Variants in ERBB4 observed in about 807,000 individuals in gnomAD.
ERBB4 encodes the protein receptor tyrosine-protein kinase erbB-4.
ERBB4 carries 42 observed loss-of-function variants against 158.0 expected under a neutral mutation model. The ratio of observed to expected loss-of-function variants is 0.27; its 90% CI spans 0.21 to 0.34. ERBB4 has a LOEUF of 0.34. ERBB4 is among the 10% of genes least tolerant of loss of function. The pLI, the probability that ERBB4 is intolerant of heterozygous loss-of-function variation, is 1.00. For missense variants in ERBB4, 1,333 were observed against 1,624.1 expected (o/e 0.82, Z 3.08); for synonymous variants, 583 against 558.7 (o/e 1.04, Z -0.61).
At chr2:211,556,024 G>A (rs542362986) in intron 20 of ERBB4, among the ~76,000 whole-genome samples, 1 of 152,208 alleles carries the variant, frequency 6.6e-6, no homozygotes, top group South Asian at 2.1e-4. Context: ...GCACAGAGTG[G>A]CAAGCTGGAT....
At chr2:211,513,103 C>T (rs531743994) in intron 20 of ERBB4, among the ~76,000 whole-genome samples, 18 of 151,648 alleles carry the variant, frequency 1.2e-4, no homozygotes, top group Non-Finnish European at 2.5e-4. Context: ...AAGATGATTG[C>T]TTTATGTATT....
chr2:211,750,778 A>G (rs1422135551), intron 4 of ERBB4, 74 bp from the exon 5 acceptor site: 23 of 1,242,070 alleles, frequency 1.9e-5, no homozygotes, highest in Non-Finnish European at 2.5e-5. Flanking sequence ...TAACTCCTCA[A>G]AGGAAATACT....
At chr2:212,104,702 T>C (rs1452434066) in intron 2 of ERBB4, among the ~76,000 whole-genome samples, 2 of 152,146 alleles carry the variant, frequency 1.3e-5, no homozygotes, top group East Asian at 1.9e-4. Context: ...CACAACACTA[T>C]AATGCATTTC....
chr2:211,793,558 T>C (rs1412677793), intron 3 of ERBB4, among the ~76,000 whole-genome samples: 1 of 151,942 alleles, frequency 6.6e-6, no homozygotes. Context: ...AGAAAGCAGT[T>C]ACAAGACTTT....
intron 3 of ERBB4, among the ~76,000 whole-genome samples, chr2:211,882,124 T>C (rs1409443217): frequency 1.3e-5 from 2 of 152,194 alleles, no homozygotes; most frequent in Non-Finnish European, 2.9e-5. Context: ...AAAGTTATGA[T>C]GGGAAATCAT....
intron 1 of ERBB4, among the ~76,000 whole-genome samples, chr2:212,359,452 A>C (rs146713686): frequency 1.6e-5 from 2 of 124,390 alleles, no homozygotes; most frequent in East Asian, 3.9e-4. Context: ...CAAATTGCTG[A>C]ACATGAATTT....
intron 1 of ERBB4, among the ~76,000 whole-genome samples, chr2:212,369,088 C>G (rs2089995621): frequency 6.6e-6 from 1 of 152,152 alleles, no homozygotes; most frequent in Non-Finnish European, 1.5e-5. Flanking sequence ...TGGCAAGCCA[C>G]AAACTAAATG....
intron 1 of ERBB4, among the ~76,000 whole-genome samples, chr2:212,129,669 T>A (rs2080050151): frequency 6.6e-6 from 1 of 151,938 alleles, no homozygotes; most frequent in South Asian, 2.1e-4. Flanking sequence ...AATGATCAGG[T>A]AAGTTTTGTA....
chr2:212,124,590 C>G, intron 2 of ERBB4, 162 bp downstream of exon 2: 1 of 725,358 alleles, frequency 1.4e-6, no homozygotes, highest in East Asian at 2.7e-5. Context: ...TACTCTTGTT[C>G]TTTTCCTGGG....
At chr2:211,982,191 G>A (rs895176944) in intron 2 of ERBB4, among the ~76,000 whole-genome samples, 3 of 151,894 alleles carry the variant, frequency 2.0e-5, no homozygotes, top group Admixed American at 1.3e-4. Flanking sequence ...CATGAGAAAA[G>A]AGACAGTCCC....
At chr2:211,993,898 TA>T (rs1221781980) in intron 2 of ERBB4, among the ~76,000 whole-genome samples, 1 of 151,792 alleles carries the variant, frequency 6.6e-6, no homozygotes, top group Non-Finnish European at 1.5e-5. Flanking sequence ...ATAAAAAAGA[TA>T]AAACTTACTT....
intron 2 of ERBB4, among the ~76,000 whole-genome samples, chr2:212,017,377 T>C (rs2076552592): frequency 6.6e-6 from 1 of 152,076 alleles, no homozygotes; most frequent in Admixed American, 6.5e-5. Context: ...CAAAACTCAT[T>C]TGTTGGCCAC....
intron 1 of ERBB4, among the ~76,000 whole-genome samples, chr2:212,486,482 C>T (rs1332313633): frequency 6.6e-6 from 1 of 152,028 alleles, no homozygotes; most frequent in East Asian, 1.9e-4. Flanking sequence ...TCAATAAGAG[C>T]ATCATTACTC....
At position 212,084,745 on chromosome 2, in the gene ERBB4, G is replaced by T. The variant is rs866341206; in HGVS notation, c.234+40007C>A. On this transcript the variant is annotated intron_variant, in intron 2 of 27. Transcript: ENST00000342788. ...TAAATCTAACCTAGTTCACATATGTGTTAAAATAGAAAAGAGGAACCCACA... is the reference window on the plus strand; with the variant it reads ...TAAATCTAACCTAGTTCACATATGTTTTAAAATAGAAAAGAGGAACCCACA... 4.6e-5 allele frequency among the ~76,000 whole-genome samples: 7 copies of T among 151,994 alleles called. No individual in the cohort carries two copies. In the South Asian group the frequency reaches 1.5e-3, roughly 32 times the overall value.
intron 5 of ERBB4, among the ~76,000 whole-genome samples, chr2:211,741,619 A>T (rs1294531702): frequency 6.6e-6 from 1 of 152,020 alleles, no homozygotes; most frequent in Non-Finnish European, 1.5e-5. Flanking sequence ...CTTTTTGATC[A>T]TTTCCAACAT....
At chr2:212,445,883 G>A (rs949929841) in intron 1 of ERBB4, among the ~76,000 whole-genome samples, 4 of 152,130 alleles carry the variant, frequency 2.6e-5, no homozygotes, top group Non-Finnish European at 5.9e-5. Context: ...CAGAAACGAG[G>A]ACTGTAATTG....
At chr2:211,428,339 T>A (rs1194319021) in intron 22 of ERBB4, 69 bp downstream of exon 22, 4 of 868,930 alleles carry the variant, frequency 4.6e-6, no homozygotes, top group Non-Finnish European at 7.9e-6. Flanking sequence ...TAGCTTAAGA[T>A]ATTTCACATG....
intron 20 of ERBB4, among the ~76,000 whole-genome samples, chr2:211,451,081 G>A (rs1333676192): frequency 6.6e-6 from 1 of 152,148 alleles, no homozygotes; most frequent in Non-Finnish European, 1.5e-5. Flanking sequence ...AGAAACACAC[G>A]TAAGCAATAA....
chr2:211,603,205 C>T (rs1339601193), intron 19 of ERBB4, among the ~76,000 whole-genome samples: 1 of 151,670 alleles, frequency 6.6e-6, no homozygotes, highest in Non-Finnish European at 1.5e-5. Context: ...CACTGCAGCC[C>T]GGGCGACAGA....
Sources: allele counts gnomAD v4.1 joint callset (sites outside exome capture counted in the v4.1 genomes callset), GRCh38; gene constraint gnomAD v4.1.1; transcripts MANE v1.5; gene names NCBI Gene and HGNC (gene_info 2026-07-23, HGNC 2026-07-21).